The following CDIN1 variants were observed in gnomAD, a reference collection of about 807,000 sequenced individuals.
The protein encoded by CDIN1 is CDAN1 interacting nuclease 1, also known as CDAN1-interacting nuclease 1.
Under a neutral mutation model 45.3 loss-of-function variants are expected in CDIN1, and 33 were observed. The ratio of observed to expected loss-of-function variants is 0.73; its 90% CI spans 0.55 to 0.97. CDIN1 has a LOEUF of 0.97. Ranked by LOEUF, CDIN1 falls within the 50% of genes least tolerant of loss-of-function variation. The pLI is 0.00. For missense variants in CDIN1, 303 were observed against 339.4 expected (o/e 0.89, Z 0.84); for synonymous variants, 118 against 124.4 (o/e 0.95, Z 0.34).
At chr15:36,805,286 G>C (rs57488149) in intron 10 of CDIN1, among the ~76,000 whole-genome samples, 1 of 152,130 alleles carries the variant, frequency 6.6e-6, no homozygotes, top group Non-Finnish European at 1.5e-5. Flanking sequence ...AATCAATTCA[G>C]ATGTCCGTGG....
intron 10 of CDIN1, among the ~76,000 whole-genome samples, chr15:36,765,281 C>T (rs2053889919): frequency 6.6e-6 from 1 of 151,940 alleles, no homozygotes; most frequent in Non-Finnish European, 1.5e-5. Flanking sequence ...GTCTTGAACT[C>T]CTGACCTCAA....
chr15:36,765,494 A>G (rs1184436693), intron 10 of CDIN1, among the ~76,000 whole-genome samples: 3 of 152,186 alleles, frequency 2.0e-5, no homozygotes, highest in Non-Finnish European at 4.4e-5. Context: ...ATAGATCTAT[A>G]TCAAGAGAGT....
chr15:36,644,405 G>T, intron 2 of CDIN1, 82 bp downstream of exon 2: 3 of 1,425,742 alleles, frequency 2.1e-6, no homozygotes, highest in Non-Finnish European at 2.9e-6. Flanking sequence ...TAATTGAACT[G>T]CCAGCTCTCT....
At chr15:36,707,211 A>G (rs1595499887) in intron 8 of CDIN1, 1 of 152,272 alleles carries the variant, frequency 6.6e-6, no homozygotes, top group East Asian at 1.9e-4. Context: ...AATATCACCA[A>G]TGGTGACAAA....
chr15:36,613,393 A>AGATTC, intron 1 of CDIN1: 1 of 1,035,546 alleles, frequency 9.7e-7, no homozygotes. Context: ...TGTCTTAAGA[A>AGATTC]CTCAGTTTTG....
chr15:36,586,302 C>T lies in CDIN1; in HGVS notation c.101+6341C>T, dbSNP rs186896812. Among the ~76,000 whole-genome samples the T allele has an allele frequency of 2.1e-3, 311 of 150,678 alleles. 1 individual carries two copies. The highest frequency in any genetic ancestry group is 3.6e-3 in the Non-Finnish European group (242 of 67,808). On this transcript the variant is annotated intron_variant, in intron 1 of 10. Transcript: ENST00000566621. ...GAGACTATGCAAATTTCTTGTTTCTCGTCACCCTTTTTCCCATTGATTTTA... is the reference window on the plus strand; with the variant it reads ...GAGACTATGCAAATTTCTTGTTTCTTGTCACCCTTTTTCCCATTGATTTTA...
intron 5 of CDIN1, among the ~76,000 whole-genome samples, chr15:36,687,678 A>C (rs2042109446): frequency 6.6e-6 from 1 of 152,184 alleles, no homozygotes; most frequent in Non-Finnish European, 1.5e-5. Context: ...ACTCCACAGT[A>C]GTAGTAGATG....
chr15:36,600,719 A>T (rs1031310209), intron 1 of CDIN1, among the ~76,000 whole-genome samples: 1 of 152,188 alleles, frequency 6.6e-6, no homozygotes, highest in Middle Eastern at 3.2e-3. Flanking sequence ...GCAGTGTGAA[A>T]ATCCGTGGCC....
intron 10 of CDIN1, among the ~76,000 whole-genome samples, chr15:36,796,871 G>T (rs768707314): frequency 2.0e-5 from 3 of 152,140 alleles, no homozygotes; most frequent in Non-Finnish European, 4.4e-5. Context: ...TAACTATAAA[G>T]TTGACCTTTG....
intron 10 of CDIN1, among the ~76,000 whole-genome samples, chr15:36,780,341 C>T (rs2054319622): frequency 6.6e-6 from 1 of 152,160 alleles, no homozygotes; most frequent in Non-Finnish European, 1.5e-5. Context: ...AGGAAACCTA[C>T]CTGTAATAAG....
chr15:36,620,329 C>T (rs968939342), intron 1 of CDIN1, among the ~76,000 whole-genome samples: 2 of 151,200 alleles, frequency 1.3e-5, no homozygotes, highest in African/African-American at 2.4e-5. Flanking sequence ...CCAGCCTGGG[C>T]GACAAAGCGA....
chr15:36,803,349 G>C (rs1677918734), intron 10 of CDIN1, among the ~76,000 whole-genome samples: 1 of 151,744 alleles, frequency 6.6e-6, no homozygotes, highest in Non-Finnish European at 1.5e-5. Context: ...AAGTGACAGA[G>C]AACAGTGGGG....
At chr15:36,761,920 T>G (rs982676300) in intron 10 of CDIN1, among the ~76,000 whole-genome samples, 9 of 152,162 alleles carry the variant, frequency 5.9e-5, no homozygotes, top group African/African-American at 2.2e-4. Flanking sequence ...CTAATAAATT[T>G]AATGGGTCTA....
At chr15:36,700,049 A>G (rs1002223212) in intron 8 of CDIN1, among the ~76,000 whole-genome samples, 1 of 152,206 alleles carries the variant, frequency 6.6e-6, no homozygotes, top group African/African-American at 2.4e-5. Flanking sequence ...TTTAGACACT[A>G]GATAAGTCAG....
At chr15:36,679,829 A>G (rs1241596544) in intron 5 of CDIN1, among the ~76,000 whole-genome samples, 1 of 152,132 alleles carries the variant, frequency 6.6e-6, no homozygotes, top group Non-Finnish European at 1.5e-5. Context: ...CCCCTCACCC[A>G]CATGGCAGAC....
chr15:36,675,679 T>C (rs2041623417), intron 5 of CDIN1, among the ~76,000 whole-genome samples: 2 of 152,200 alleles, frequency 1.3e-5, no homozygotes, highest in Non-Finnish European at 2.9e-5. Flanking sequence ...ATCCGCATCA[T>C]TTAATGATAT....
intron 1 of CDIN1, among the ~76,000 whole-genome samples, chr15:36,595,288 CATTAT>C (rs1309156567): frequency 8.2e-5 from 9 of 109,268 alleles, no homozygotes; most frequent in Non-Finnish European, 1.5e-4. Context: ...AATACACTTA[CATTAT>C]AATATAATAT....
At chr15:36,656,958 G>A (rs184312854) in intron 4 of CDIN1, among the ~76,000 whole-genome samples, 4 of 152,136 alleles carry the variant, frequency 2.6e-5, no homozygotes, top group African/African-American at 4.8e-5. Context: ...AAAAAGACTC[G>A]TTTTAGGGAA....
intron 3 of CDIN1, among the ~76,000 whole-genome samples, chr15:36,652,526 A>C (rs2040613127): frequency 6.6e-6 from 1 of 152,138 alleles, no homozygotes; most frequent in Non-Finnish European, 1.5e-5. Flanking sequence ...TTTGTGAGAA[A>C]TTGATGTGAG....
Sources: allele counts gnomAD v4.1 joint callset (sites outside exome capture counted in the v4.1 genomes callset), GRCh38; gene constraint gnomAD v4.1.1; transcripts MANE v1.5; gene names NCBI Gene and HGNC (gene_info 2026-07-23, HGNC 2026-07-21).